Variants in FOXR1 observed in about 807,000 individuals in gnomAD.
FOXR1 encodes the protein forkhead box protein R1.
FOXR1 carries 25 observed loss-of-function variants against 34.5 expected under a neutral mutation model. The ratio of observed to expected loss-of-function variants is 0.72; its 90% CI spans 0.53 to 1.01. The LOEUF (loss-of-function observed/expected upper bound fraction) is 1.01. Among genes scored for constraint, FOXR1 ranks in the 50% least tolerant of loss-of-function variants. FOXR1 has a pLI of 0.00. For synonymous variants in FOXR1, 153 were observed against 141.6 expected, an observed-to-expected ratio of 1.08 and a Z score of -0.57; for missense variants, 373 against 376.2, an observed-to-expected ratio of 0.99 and a Z score of 0.07.
intron 1 of FOXR1, among the ~76,000 whole-genome samples, chr11:118,977,725 A>G (rs1009116009): frequency 2.6e-5 from 4 of 152,204 alleles, no homozygotes; most frequent in African/African-American, 9.7e-5. Context: ...ACTCATAGGG[A>G]CAGTGAGGGG....
At position 118,980,650 on chromosome 11, in the gene FOXR1, C is replaced by T. The variant is rs782150664; in HGVS notation, c.772C>T (p.His258Tyr). The change falls in exon 5 of 6, where the codon CAC becomes TAC. Residue 258 changes from histidine (H) to tyrosine (Y), a missense_variant. Physicochemically the swap from His to Tyr is moderately conservative, Grantham distance 83 (BLOSUM62 2). Coordinates refer to ENST00000317011, the MANE Select transcript of FOXR1 (RefSeq NM_181721.3). ...SCLWKLTEEG[H>Y]RRFAEEARAL... is the part of the protein sequence containing the mutation. The stretch of plus-strand genomic sequence containing the variant: ...CCTCTGGAAGTTGACCGAGGAGGGA[C>T]ACCGCCGCTTTGCGGAGGAGGCCCG... The T allele has an allele frequency of 3.7e-6, 6 of 1,614,078 alleles. No homozygotes were observed. The highest frequency in any genetic ancestry group is 4.2e-6 in the Non-Finnish European group (5 of 1,180,048).
chr11:118,972,068 A>AG (rs1221090725), intron 1 of FOXR1, 76 bp downstream of exon 1: 5 of 1,260,406 alleles, frequency 4.0e-6, no homozygotes, highest in Non-Finnish European at 5.1e-6. Flanking sequence ...ACCCCGGGGC[A>AG]GACGGCTCCC....
chr11:118,973,166 T>A (rs1941737339), intron 1 of FOXR1, among the ~76,000 whole-genome samples: 1 of 152,200 alleles, frequency 6.6e-6, no homozygotes, highest in Non-Finnish European at 1.5e-5. Context: ...CTTTCTTGTT[T>A]CTTCATTCAA....
chr11:118,980,456 C>T, intron 4 of FOXR1, 34 bp from the exon 5 acceptor site: 1 of 1,606,220 alleles, frequency 6.2e-7, no homozygotes, highest in Non-Finnish European at 8.5e-7. Flanking sequence ...CCAGACATAA[C>T]ATGCCTTTCC....
At chr11:118,980,772 A>T (rs1941851217) in intron 5 of FOXR1, 44 bp downstream of exon 5, 2 of 1,571,738 alleles carry the variant, frequency 1.3e-6, no homozygotes, top group Non-Finnish European at 1.7e-6. Context: ...AAGAGACCTG[A>T]GGATCCTGAC....
rs1411004928 is a variant in FOXR1 at position 118,972,132 on chromosome 11, C to CA, written c.61+140_61+141insA. The CA allele has an allele frequency of 5.2e-5, 29 of 560,986 alleles. 1 individual carries two copies. Among genetic ancestry groups the CA allele is most frequent in the Non-Finnish European group, 7.8e-5 (28 of 359,762 alleles). 34.8% of individuals were successfully genotyped at this position (560,986 alleles called of 1,614,324 possible). Reference sequence around the variant, plus strand: ...CTTGGGGGGCCGAGCGCCCCGCGCCCCCCCCCCCCGACGGCTTAGCTCCGC... The same window carrying CA: ...CTTGGGGGGCCGAGCGCCCCGCGCCCACCCCCCCCCGACGGCTTAGCTCCGC... On this transcript the variant is annotated intron_variant, in intron 1 of 5. Transcript: ENST00000317011.
At chr11:118,974,889 G>C (rs1941760387) in intron 1 of FOXR1, among the ~76,000 whole-genome samples, 1 of 152,198 alleles carries the variant, frequency 6.6e-6, no homozygotes, top group Non-Finnish European at 1.5e-5. Context: ...TACTGAGTGG[G>C]AGACAGGTTT....
intron 4 of FOXR1, chr11:118,980,203 G>A (rs1333449464): frequency 1.1e-5 from 7 of 617,694 alleles, no homozygotes; most frequent in East Asian, 6.8e-5. Context: ...AGTGGTGTCC[G>A]TCCTCAACCA....
At position 118,978,826 on chromosome 11, in the gene FOXR1, C is replaced by T. The variant is rs781944714; in HGVS notation, c.106C>T (p.Leu36=). The change falls in exon 2 of 6, where the codon CTA becomes TTA. Residue 36 remains leucine, a synonymous_variant. Coordinates refer to ENST00000317011, the MANE Select transcript of FOXR1 (RefSeq NM_181721.3). ...AATTGTTAAGCCACCAAAATTACCCCTAGAGAAAAAACCCAACCCTGATAA... is the reference window on the plus strand; with the variant it reads ...AATTGTTAAGCCACCAAAATTACCCTTAGAGAAAAAACCCAACCCTGATAA... ...LRIVKPPKLP[L]EKKPNPDKDG... 1.9e-6 allele frequency: 3 copies of T among 1,614,218 alleles called. No homozygotes were observed. In the Admixed American group the frequency reaches 5.0e-5, roughly 27 times the overall value.
intron 1 of FOXR1, among the ~76,000 whole-genome samples, chr11:118,974,813 TA>T (rs1334142123): frequency 6.6e-6 from 1 of 152,294 alleles, no homozygotes; most frequent in Admixed American, 6.5e-5. Flanking sequence ...ATATGGCGTA[TA>T]AGACAGACAA....
rs199679176 is a variant in FOXR1, at chr11:118,980,471, C to A, written c.612-19C>A. ...CCAGACATAACATGCCTTTCCTTACCTCTCCTCCCTGTCCATAGAAAGCAC... is the reference window on the plus strand; with the variant it reads ...CCAGACATAACATGCCTTTCCTTACATCTCCTCCCTGTCCATAGAAAGCAC... On this transcript the variant is annotated intron_variant, in intron 4 of 5. Coordinates refer to ENST00000317011, the MANE Select transcript of FOXR1 (RefSeq NM_181721.3). 3.1e-6 allele frequency: 5 copies of A among 1,612,514 alleles called. No individual in the cohort carries two copies. Among genetic ancestry groups the A allele is most frequent in the Non-Finnish European group, 4.2e-6 (5 of 1,178,844 alleles).
intron 1 of FOXR1, among the ~76,000 whole-genome samples, chr11:118,977,291 C>T (rs1325174491): frequency 6.6e-6 from 1 of 152,142 alleles, no homozygotes; most frequent in Non-Finnish European, 1.5e-5. Flanking sequence ...CTCGGCCTCC[C>T]AAAGTGCTGG....
intron 1 of FOXR1, among the ~76,000 whole-genome samples, chr11:118,976,821 TTAA>T (rs1565646024): frequency 1.3e-5 from 2 of 152,190 alleles, no homozygotes. Context: ...TTTCGTATTA[TTAA>T]TAATGCTGAT....
chr11:118,980,826 G>A (rs1941852382), intron 5 of FOXR1, 98 bp downstream of exon 5: 2 of 1,140,042 alleles, frequency 1.8e-6, no homozygotes, highest in Admixed American at 4.9e-5. Context: ...TGGGGGTGGG[G>A]GAATGCATCT....
chr11:118,972,209 G>T (rs1483328196), intron 1 of FOXR1, among the ~76,000 whole-genome samples: 5 of 151,986 alleles, frequency 3.3e-5, no homozygotes, highest in Non-Finnish European at 5.9e-5. Flanking sequence ...GGTTTGGGGG[G>T]TGGGGGGGTT....
chr11:118,978,922 G>A (rs1264103868), intron 2 of FOXR1, 35 bp from the exon 3 acceptor site: 1 of 1,613,690 alleles, frequency 6.2e-7, no homozygotes, highest in Non-Finnish European at 8.5e-7. Context: ...CCCAAAGCCA[G>A]TGGGCTGTGG....
In FOXR1 at chr11:118,978,823, C is replaced by T; in HGVS notation, c.103C>T (p.Pro35Ser). The change falls in exon 2 of 6, where the codon CCC (proline) becomes TCC (serine). Residue 35 changes from proline to serine, a missense_variant. By Grantham distance (74) the Pro-to-Ser change is moderately conservative. Transcript: ENST00000317011. ...CCGAATTGTTAAGCCACCAAAATTA[C>T]CCCTAGAGAAAAAACCCAACCCTGA... ...KLRIVKPPKL[P>S]LEKKPNPDKD... 1 of 1,614,184 alleles carries T rather than the reference C, an allele frequency of 6.2e-7. No individual in the cohort carries two copies. The highest frequency in any genetic ancestry group is 1.1e-5 in the South Asian group (1 of 91,088).
chr11:118,975,263 C>G (rs1217609513), intron 1 of FOXR1, among the ~76,000 whole-genome samples: 1 of 152,026 alleles, frequency 6.6e-6, no homozygotes, highest in Non-Finnish European at 1.5e-5. Context: ...GATGATTGGA[C>G]TTAACAAAGC....
intron 4 of FOXR1, 83 bp from the exon 5 acceptor site, chr11:118,980,407 T>C: frequency 1.3e-6 from 2 of 1,492,274 alleles, no homozygotes; most frequent in Non-Finnish European, 1.9e-6. Context: ...CTAAAGCCCC[T>C]GGCCCCTGGG....
Sources: gnomAD v4.1 joint callset for allele counts (sites outside exome capture counted in the v4.1 genomes callset) on GRCh38, gnomAD v4.1.1 for gene constraint, MANE v1.5 for transcripts, NCBI Gene and HGNC (gene_info 2026-07-23, HGNC 2026-07-21) for gene names.